The following RABGAP1L variants were observed in gnomAD, a reference collection of about 807,000 sequenced individuals.
The protein encoded by RABGAP1L is RAB GTPase activating protein 1 like, also known as rab GTPase-activating protein 1-like.
In RABGAP1L, 63 loss-of-function variants were observed where a neutral mutation model predicts 137.7. The observed-to-expected ratio is 0.46, with a 90% CI of 0.37 to 0.56. RABGAP1L has a LOEUF of 0.56. Among genes scored for constraint, RABGAP1L ranks in the 20% least tolerant of loss-of-function variants. The pLI is 0.00. For missense variants in RABGAP1L, 1,095 were observed against 1,244.0 expected (o/e 0.88, Z 1.80); for synonymous variants, 431 against 433.7 (o/e 0.99, Z 0.08).
chr1:174,658,689 A>T (rs1224115569), intron 14 of RABGAP1L, among the ~76,000 whole-genome samples: 1 of 151,320 alleles, frequency 6.6e-6, no homozygotes, highest in Admixed American at 6.6e-5. Context: ...TGGGCTTGTC[A>T]TTTTTTTTAG....
chr1:174,652,195 C>T (rs577676174), intron 14 of RABGAP1L, among the ~76,000 whole-genome samples: 18 of 152,268 alleles, frequency 1.2e-4, no homozygotes, highest in South Asian at 8.3e-4. Flanking sequence ...GACTTTCTGC[C>T]GAGAGATCCA....
chr1:174,259,713 C>G (rs1673418257), intron 7 of RABGAP1L, among the ~76,000 whole-genome samples: 1 of 152,078 alleles, frequency 6.6e-6, no homozygotes, highest in Non-Finnish European at 1.5e-5. Flanking sequence ...ACATATTAAG[C>G]TTTATTTAAT....
At chr1:174,806,044 A>G (rs1689268062) in intron 18 of RABGAP1L, among the ~76,000 whole-genome samples, 1 of 152,176 alleles carries the variant, frequency 6.6e-6, no homozygotes, top group African/African-American at 2.4e-5. Flanking sequence ...TCCAGTTTAA[A>G]TCAGTTTTTC....
intron 1 of RABGAP1L, among the ~76,000 whole-genome samples, chr1:174,202,494 G>C (rs1668195575): frequency 6.6e-6 from 1 of 152,026 alleles, no homozygotes; most frequent in Non-Finnish European, 1.5e-5. Context: ...TTTTTGATGG[G>C]GTTGTTTGTT....
chr1:174,668,474 A>G (rs1676942867), intron 14 of RABGAP1L, among the ~76,000 whole-genome samples: 3 of 152,132 alleles, frequency 2.0e-5, no homozygotes, highest in Non-Finnish European at 2.9e-5. Flanking sequence ...ATTCCATTGT[A>G]TATATATACA....
chr1:174,464,339 A>C (rs936712945), intron 13 of RABGAP1L, among the ~76,000 whole-genome samples: 2 of 150,914 alleles, frequency 1.3e-5, no homozygotes, highest in African/African-American at 4.9e-5. Context: ...TTTCACAGAA[A>C]GCCCATCTAC....
chr1:174,307,623 A>G (rs1377596333), intron 11 of RABGAP1L, among the ~76,000 whole-genome samples: 5 of 152,160 alleles, frequency 3.3e-5, no homozygotes, highest in Non-Finnish European at 5.9e-5. Flanking sequence ...TTTCATCTAC[A>G]TTGATACATG....
intron 17 of RABGAP1L, among the ~76,000 whole-genome samples, chr1:174,730,028 A>G (rs896653129): frequency 2.0e-5 from 3 of 152,220 alleles, no homozygotes; most frequent in Non-Finnish European, 4.4e-5. Flanking sequence ...TTGCAGCACT[A>G]TTTGCAAAAA....
intron 13 of RABGAP1L, among the ~76,000 whole-genome samples, chr1:174,470,720 T>C (rs1295394171): frequency 2.9e-4 from 44 of 152,020 alleles, no homozygotes; most frequent in Non-Finnish European, 4.4e-5. Flanking sequence ...TGAGCCAAGA[T>C]GGCGGCATTG....
At chr1:174,811,298 A>G (rs1032932384) in intron 18 of RABGAP1L, among the ~76,000 whole-genome samples, 4 of 152,190 alleles carry the variant, frequency 2.6e-5, no homozygotes, top group Non-Finnish European at 4.4e-5. Context: ...TTTTCATAGC[A>G]TTCTTCAAGG....
At chr1:174,278,240 T>C (rs1675173263) in intron 9 of RABGAP1L, among the ~76,000 whole-genome samples, 1 of 152,012 alleles carries the variant, frequency 6.6e-6, no homozygotes, top group South Asian at 2.1e-4. Flanking sequence ...CCGTCTGTAG[T>C]AAAAATATTT....
At chr1:174,274,715 G>A (rs947066120) in intron 8 of RABGAP1L, among the ~76,000 whole-genome samples, 27 of 151,786 alleles carry the variant, frequency 1.8e-4, no homozygotes, top group African/African-American at 6.0e-4. Context: ...GTGACCTTGA[G>A]TGTATTTCAT....
At chr1:174,347,652 C>T (rs1682572150) in intron 11 of RABGAP1L, among the ~76,000 whole-genome samples, 1 of 152,142 alleles carries the variant, frequency 6.6e-6, no homozygotes, top group South Asian at 2.1e-4. Flanking sequence ...GCCTCCACAC[C>T]TGGCTAATTT....
intron 13 of RABGAP1L, among the ~76,000 whole-genome samples, chr1:174,412,876 C>G (rs1386560717): frequency 6.6e-6 from 1 of 152,040 alleles, no homozygotes; most frequent in Admixed American, 6.6e-5. Context: ...TGACCTTTTT[C>G]TCTAGCTGTC....
At position 174,231,226 on chromosome 1, in the gene RABGAP1L, G is replaced by A; in HGVS notation, c.413G>A (p.Gly138Glu). 6.2e-7 allele frequency: 1 copy of A among 1,613,750 alleles called. No homozygotes were observed. Among genetic ancestry groups the A allele is most frequent in the South Asian group, 1.1e-5 (1 of 91,068 alleles). ...TTATTTAATAAACTGACCTACTTAG[G>A]ATGTATGAAGGTTTCTTCCCCACGT... is the stretch of plus-strand genomic sequence containing the variant. ...SVLFNKLTYL[G>E]CMKVSSPRNE... Residue 138 changes from glycine to glutamate, a missense_variant, in exon 4 of 26, where the codon GGA becomes GAA. Gly to Glu is a moderately conservative substitution (Grantham distance 98). Coordinates refer to ENST00000681986, the MANE Select transcript of RABGAP1L (RefSeq NM_001366446.1).
At chr1:174,257,837 A>G (rs1488379516) in intron 7 of RABGAP1L, among the ~76,000 whole-genome samples, 1 of 152,202 alleles carries the variant, frequency 6.6e-6, no homozygotes, top group Non-Finnish European at 1.5e-5. Flanking sequence ...GAGTTGTATT[A>G]TTGTGTACAT....
intron 13 of RABGAP1L, among the ~76,000 whole-genome samples, chr1:174,621,782 C>T (rs932415925): frequency 1.3e-4 from 20 of 152,158 alleles, no homozygotes; most frequent in Admixed American, 1.1e-3. Context: ...CCATTGAGGA[C>T]ATAGGCATGG....
intron 22 of RABGAP1L, 28 bp from the exon 23 acceptor site, chr1:174,978,779 C>A: frequency 6.6e-7 from 1 of 1,513,970 alleles, no homozygotes; most frequent in Non-Finnish European, 8.8e-7. Flanking sequence ...TGGCTAAATC[C>A]TGATATTTCT....
At chr1:174,920,062 G>C (rs548207858) in intron 19 of RABGAP1L, among the ~76,000 whole-genome samples, 1 of 152,176 alleles carries the variant, frequency 6.6e-6, no homozygotes, top group Non-Finnish European at 1.5e-5. Context: ...AGAAACCAAG[G>C]CTTAGAGAAG....
Sources: allele counts gnomAD v4.1 joint callset (sites outside exome capture counted in the v4.1 genomes callset), GRCh38; gene constraint gnomAD v4.1.1; transcripts MANE v1.5; gene names NCBI Gene and HGNC (gene_info 2026-07-23, HGNC 2026-07-21).